Variants in SGCZ observed in about 807,000 individuals in gnomAD.
SGCZ encodes zeta-sarcoglycan.
A neutral mutation model predicts 41.3 loss-of-function variants in SGCZ; 40 were observed. The ratio of observed to expected loss-of-function variants is 0.97; its 90% CI spans 0.75 to 1.26. The LOEUF (loss-of-function observed/expected upper bound fraction) is 1.26, where lower values mean the gene tolerates loss of function less well. Among genes scored for constraint, SGCZ ranks in the 50% most tolerant of loss-of-function variants. SGCZ has a pLI of 0.00. For missense variants in SGCZ, 552 were observed against 369.8 expected (o/e 1.49, Z -4.04); for synonymous variants, 206 against 137.5 (o/e 1.50, Z -3.49).
intron 2 of SGCZ, among the ~76,000 whole-genome samples, chr8:14,338,443 T>C (rs1189705740): frequency 6.6e-6 from 1 of 152,126 alleles, no homozygotes; most frequent in Non-Finnish European, 1.5e-5. Flanking sequence ...CATCTCACCT[T>C]TGGACAATTC....
chr8:14,961,885 A>G (rs758521896), intron 1 of SGCZ, among the ~76,000 whole-genome samples: 4 of 152,216 alleles, frequency 2.6e-5, no homozygotes, highest in Non-Finnish European at 5.9e-5. Context: ...ACTACTCCCT[A>G]TTCATAGCAA....
At chr8:14,212,717 GACAA>G (rs1258341641) in intron 4 of SGCZ, among the ~76,000 whole-genome samples, 1 of 152,034 alleles carries the variant, frequency 6.6e-6, no homozygotes, top group Non-Finnish European at 1.5e-5. Flanking sequence ...GAAGAGAAAA[GACAA>G]ACAACTGAAG....
chr8:14,223,357 C>T (rs1334621413), intron 4 of SGCZ, among the ~76,000 whole-genome samples: 1 of 152,034 alleles, frequency 6.6e-6, no homozygotes, highest in African/African-American at 2.4e-5. Flanking sequence ...AATTGCTTTA[C>T]ATTTGTAAGT....
intron 1 of SGCZ, among the ~76,000 whole-genome samples, chr8:14,751,137 A>G (rs1799487782): frequency 6.6e-6 from 1 of 152,160 alleles, no homozygotes; most frequent in African/African-American, 2.4e-5. Flanking sequence ...AAGTATATGC[A>G]TTTTCAATTT....
intron 1 of SGCZ, among the ~76,000 whole-genome samples, chr8:14,861,119 G>A (rs1447673585): frequency 1.3e-5 from 2 of 152,166 alleles, no homozygotes; most frequent in African/African-American, 4.8e-5. Flanking sequence ...TGTTACGTCT[G>A]TGACTAAGAC....
intron 1 of SGCZ, among the ~76,000 whole-genome samples, chr8:14,647,699 T>C (rs1769767932): frequency 6.6e-6 from 1 of 152,008 alleles, no homozygotes; most frequent in African/African-American, 2.4e-5. Flanking sequence ...ATTTTAAATA[T>C]ATATGTAGGT....
chr8:14,652,346 A>AAGGGGGG (rs201135943), intron 1 of SGCZ, among the ~76,000 whole-genome samples: 2 of 50,736 alleles, frequency 3.9e-5, no homozygotes, highest in African/African-American at 8.1e-5. Context: ...AAAAAAAAAA[A>AAGGGGGG]GGGGGGGGTG....
chr8:15,024,703 G>A (rs924599517), intron 1 of SGCZ, among the ~76,000 whole-genome samples: 3 of 152,172 alleles, frequency 2.0e-5, no homozygotes, highest in East Asian at 1.9e-4. Flanking sequence ...TTGGGAGGCC[G>A]AGGCGGGCAG....
At chr8:15,050,470 A>G (rs1048325226) in intron 1 of SGCZ, among the ~76,000 whole-genome samples, 5 of 152,194 alleles carry the variant, frequency 3.3e-5, no homozygotes, top group African/African-American at 9.6e-5. Flanking sequence ...TGGTACATGT[A>G]CATTCTGGAG....
chr8:14,445,498 GAGA>G lies in SGCZ; in HGVS notation c.234+109231_234+109233del, dbSNP rs201960970. On this transcript the variant is annotated intron_variant, in intron 2 of 7. Transcript: ENST00000382080. ...GAGGAAGTGGTGACTGGACTTTAAG[GAGA>G]AGATGACCTGACTTTGGGGAACACT... 4.7e-3 allele frequency among the ~76,000 whole-genome samples: 711 copies of G among 152,194 alleles called. 8 individuals carry two copies. Among genetic ancestry groups the G allele is most frequent in the African/African-American group, 0.016 (651 of 41,538 alleles).
At chr8:15,020,474 G>C (rs1803209273) in intron 1 of SGCZ, among the ~76,000 whole-genome samples, 1 of 152,028 alleles carries the variant, frequency 6.6e-6, no homozygotes, top group African/African-American at 2.4e-5. Flanking sequence ...TATATGAGGA[G>C]ATGTTCTTAT....
intron 1 of SGCZ, among the ~76,000 whole-genome samples, chr8:14,562,525 G>A (rs747120969): frequency 6.6e-6 from 1 of 151,968 alleles, no homozygotes; most frequent in Non-Finnish European, 1.5e-5. Context: ...TAATATAATC[G>A]GGGACTACTT....
intron 1 of SGCZ, among the ~76,000 whole-genome samples, chr8:15,171,936 A>G (rs1799842288): frequency 6.6e-6 from 1 of 152,116 alleles, no homozygotes; most frequent in Non-Finnish European, 1.5e-5. Flanking sequence ...TCAATTGAAC[A>G]GAGTGCCTTC....
chr8:15,051,412 T>C (rs1278895727), intron 1 of SGCZ, among the ~76,000 whole-genome samples: 1 of 152,168 alleles, frequency 6.6e-6, no homozygotes, highest in African/African-American at 2.4e-5. Flanking sequence ...GCTATCCTCC[T>C]CTCGATAGAC....
intron 1 of SGCZ, among the ~76,000 whole-genome samples, chr8:15,019,059 G>T (rs755354810): frequency 1.8e-4 from 27 of 152,298 alleles, no homozygotes; most frequent in Non-Finnish European, 3.4e-4. Flanking sequence ...ACTATCATGA[G>T]AACAGCAAAG....
intron 1 of SGCZ, among the ~76,000 whole-genome samples, chr8:14,633,521 C>T (rs1360591849): frequency 4.2e-5 from 6 of 144,054 alleles, no homozygotes; most frequent in African/African-American, 1.7e-4. Context: ...GCAAGCATTC[C>T]TTTCTTTCTA....
At chr8:15,217,177 G>A (rs1164843035) in intron 1 of SGCZ, among the ~76,000 whole-genome samples, 1 of 152,082 alleles carries the variant, frequency 6.6e-6, no homozygotes, top group Non-Finnish European at 1.5e-5. Context: ...CAGCACTTTG[G>A]GAGGCCGAGG....
intron 2 of SGCZ, among the ~76,000 whole-genome samples, chr8:14,508,193 T>C (rs4831600): frequency 0.71 from 108,156 of 151,986 alleles, 38,451 homozygotes; most frequent in South Asian, 0.77. Context: ...TTTCTATTCT[T>C]CACTGTCTCC....
Position 14,887,427 on chromosome 8 carries a change from T to C in SGCZ, c.40-332501A>G, listed in dbSNP as rs140049465. On this transcript the variant is annotated intron_variant, in intron 1 of 7. Coordinates refer to ENST00000382080, the MANE Select transcript of SGCZ (RefSeq NM_139167.4). ...CATTTTACATCTTTAGGTATGCTAA[T>C]GTAAAGAGAAAAAACTAGATGCATA... 1.0e-3 allele frequency among the ~76,000 whole-genome samples: 156 copies of C among 152,304 alleles called. No homozygotes were observed. In the Middle Eastern group the frequency reaches 0.014, roughly 13 times the overall value.
Sources: gnomAD v4.1 joint callset for allele counts (sites outside exome capture counted in the v4.1 genomes callset) on GRCh38, gnomAD v4.1.1 for gene constraint, MANE v1.5 for transcripts, NCBI Gene and HGNC (gene_info 2026-07-23, HGNC 2026-07-21) for gene names.